Variants in CGNL1 observed in about 807,000 individuals in gnomAD.
The protein encoded by CGNL1 is cingulin-like protein 1.
CGNL1 carries 132 observed loss-of-function variants against 141.2 expected under a neutral mutation model. The ratio of observed to expected loss-of-function variants is 0.93; its 90% CI spans 0.81 to 1.08. CGNL1 has a LOEUF of 1.08. Ranked by LOEUF, CGNL1 falls within the 50% of genes least tolerant of loss-of-function variation. CGNL1 has a pLI of 0.00. For synonymous variants in CGNL1, 690 were observed against 622.1 expected (o/e 1.11, Z -1.63); for missense variants, 1,870 against 1,588.6 (o/e 1.18, Z -3.01).
chr15:57,461,811 TG>T lies in CGNL1; in HGVS notation c.2323del (p.Asp775IlefsTer7). ...GALKEEVSSHDQEMDKLKEQY... is the reference protein window; with the variant it reads ...GALKEEVSSHXQEMDKLKEQY... ...CCCTGAAAGAAGAGGTTTCCAGCCA[TG>T]ATCAGGAGATGGACAAGCTGAAGGA... On this transcript the variant is annotated frameshift_variant, in exon 8 of 19. Transcript: ENST00000281282. LOFTEE classifies it high-confidence loss of function. 6.2e-7 allele frequency: 1 copy of T among 1,614,040 alleles called. No individual in the cohort carries two copies. Among genetic ancestry groups the T allele is most frequent in the Non-Finnish European group, 8.5e-7 (1 of 1,180,002 alleles).
At chr15:57,545,803 G>A in intron 17 of CGNL1, 103 bp downstream of exon 17, 2 of 953,110 alleles carry the variant, frequency 2.1e-6, no homozygotes, top group African/African-American at 1.6e-5. Flanking sequence ...GAGTGTGAGT[G>A]GGCTGATTCC....
chr15:57,419,352 A>G (rs373689591), intron 1 of CGNL1, among the ~76,000 whole-genome samples: 61 of 152,344 alleles, frequency 4.0e-4, no homozygotes, highest in African/African-American at 1.4e-3. Context: ...ATATCATGCA[A>G]TTGGTTTGCC....
At chr15:57,530,982 G>A (rs557928851) in intron 13 of CGNL1, among the ~76,000 whole-genome samples, 47 of 152,262 alleles carry the variant, frequency 3.1e-4, no homozygotes, top group South Asian at 1.2e-3. Flanking sequence ...GGAGAAACAC[G>A]TGCTCAAGGC....
chr15:57,521,506 A>T (rs1282212225), intron 10 of CGNL1, among the ~76,000 whole-genome samples: 1 of 152,180 alleles, frequency 6.6e-6, no homozygotes, highest in Non-Finnish European at 1.5e-5. Flanking sequence ...AATAGTGAAC[A>T]TACCCAGATA....
At chr15:57,488,238 A>C (rs2063810981) in intron 8 of CGNL1, among the ~76,000 whole-genome samples, 1 of 151,894 alleles carries the variant, frequency 6.6e-6, no homozygotes, top group Admixed American at 6.6e-5. Context: ...TGCCTATTTT[A>C]AAATTGGGTT....
intron 1 of CGNL1, among the ~76,000 whole-genome samples, chr15:57,431,899 T>C (rs1706363): frequency 0.97 from 148,345 of 152,308 alleles, 72,366 homozygotes; most frequent in Middle Eastern, 1. Flanking sequence ...TATCTTCTCT[T>C]TAAATGAGGC....
At chr15:57,385,085 G>A (rs1386539034) in intron 1 of CGNL1, among the ~76,000 whole-genome samples, 4 of 152,296 alleles carry the variant, frequency 2.6e-5, no homozygotes, top group Non-Finnish European at 4.4e-5. Flanking sequence ...AATCAGGGAG[G>A]CCCTTCAGAC....
At chr15:57,439,662 G>A in intron 2 of CGNL1, 61 bp downstream of exon 2, 1 of 1,492,414 alleles carries the variant, frequency 6.7e-7, no homozygotes, top group Non-Finnish European at 9.2e-7. Flanking sequence ...ATGTAATGAT[G>A]TACTTATGCT....
At chr15:57,504,227 T>G (rs976554669) in intron 8 of CGNL1, among the ~76,000 whole-genome samples, 6 of 152,186 alleles carry the variant, frequency 3.9e-5, no homozygotes, top group Non-Finnish European at 8.8e-5. Context: ...CATTTCATCC[T>G]CACCACCACC....
chr15:57,537,531 TA>T (rs1250458238), intron 14 of CGNL1, among the ~76,000 whole-genome samples: 1 of 152,180 alleles, frequency 6.6e-6, no homozygotes, highest in Non-Finnish European at 1.5e-5. Flanking sequence ...AGTTGATTAA[TA>T]ACAATTTTCC....
Position 57,547,637 on chromosome 15 carries a change from C to T in CGNL1, c.*147C>T. On this transcript the variant is annotated 3_prime_UTR_variant, in exon 19 of 19. Coordinates refer to ENST00000281282, the MANE Select transcript of CGNL1 (RefSeq NM_032866.5). Reference sequence around the variant, plus strand: ...ATGCCAGCTCCTCAGTGTTACATTCCTCGCCAGGGTCTCTCAGTGGGTCTT... The same window carrying T: ...ATGCCAGCTCCTCAGTGTTACATTCTTCGCCAGGGTCTCTCAGTGGGTCTT... 1 of 881,782 alleles carries T rather than the reference C, an allele frequency of 1.1e-6. No individual in the cohort carries two copies. The highest frequency in any genetic ancestry group is 1.7e-5 in the African/African-American group (1 of 58,926). 54.6% of individuals were successfully genotyped at this position (881,782 alleles called of 1,614,324 possible).
intron 8 of CGNL1, among the ~76,000 whole-genome samples, chr15:57,516,017 G>A (rs961619050): frequency 2.0e-5 from 3 of 151,936 alleles, no homozygotes; most frequent in Non-Finnish European, 4.4e-5. Flanking sequence ...AAATTAGCCA[G>A]GCGTGGTGGC....
chr15:57,418,471 T>C (rs1379741052), intron 1 of CGNL1, among the ~76,000 whole-genome samples: 2 of 152,190 alleles, frequency 1.3e-5, no homozygotes, highest in Admixed American at 6.5e-5. Context: ...TGGAGAAGCA[T>C]GTTTCCTGGG....
intron 6 of CGNL1, among the ~76,000 whole-genome samples, chr15:57,453,433 C>T (rs1189055752): frequency 6.6e-6 from 1 of 152,178 alleles, no homozygotes; most frequent in Non-Finnish European, 1.5e-5. Context: ...GAGAAAATGT[C>T]TCCGTATAAC....
At chr15:57,492,938 G>A (rs894576298) in intron 8 of CGNL1, among the ~76,000 whole-genome samples, 24 of 152,130 alleles carry the variant, frequency 1.6e-4, no homozygotes, top group Non-Finnish European at 7.3e-5. Flanking sequence ...TCAGGTATGG[G>A]CATTTTATTT....
intron 8 of CGNL1, among the ~76,000 whole-genome samples, chr15:57,475,534 T>C (rs1471328419): frequency 6.9e-6 from 1 of 145,208 alleles, no homozygotes; most frequent in Non-Finnish European, 1.5e-5. Flanking sequence ...TGTGTGTGTG[T>C]GTTTTCTTTT....
intron 17 of CGNL1, 101 bp downstream of exon 17, chr15:57,545,801 G>A (rs1567181118): frequency 2.1e-6 from 2 of 972,936 alleles, no homozygotes; most frequent in Non-Finnish European, 3.1e-6. Flanking sequence ...TGGAGTGTGA[G>A]TGGGCTGATT....
At chr15:57,386,647 A>C (rs1352611909) in intron 1 of CGNL1, among the ~76,000 whole-genome samples, 1 of 152,056 alleles carries the variant, frequency 6.6e-6, no homozygotes, top group Non-Finnish European at 1.5e-5. Context: ...TGGGTTAGCT[A>C]CTTCACCTCG....
chr15:57,403,016 T>C (rs749381618), intron 1 of CGNL1, among the ~76,000 whole-genome samples: 2 of 152,214 alleles, frequency 1.3e-5, no homozygotes, highest in Non-Finnish European at 2.9e-5. Flanking sequence ...CTAGAGAAAC[T>C]GGAGGTGGTG....
Sources: allele counts gnomAD v4.1 joint callset (sites outside exome capture counted in the v4.1 genomes callset), GRCh38; gene constraint gnomAD v4.1.1; transcripts MANE v1.5; gene names NCBI Gene and HGNC (gene_info 2026-07-23, HGNC 2026-07-21).